MDGA2: variants seen among roughly 807,000 people sequenced by gnomAD.
MDGA2 encodes the protein MAM domain-containing glycosylphosphatidylinositol anchor protein 2.
Under a neutral mutation model 117.8 loss-of-function variants are expected in MDGA2, and 40 were observed. The observed-to-expected ratio is 0.34, with a 90% CI of 0.26 to 0.44. The LOEUF is 0.44. Ranked by LOEUF, MDGA2 falls within the 20% of genes least tolerant of loss-of-function variation. MDGA2 has a pLI of 1.00. For synonymous variants in MDGA2, 452 were observed against 439.0 expected, an observed-to-expected ratio of 1.03 and a Z score of -0.37; for missense variants, 1,123 against 1,250.6, an observed-to-expected ratio of 0.90 and a Z score of 1.54.
intron 5 of MDGA2, among the ~76,000 whole-genome samples, chr14:47,104,208 A>G (rs1227740443): frequency 6.6e-6 from 1 of 152,170 alleles, no homozygotes; most frequent in Non-Finnish European, 1.5e-5. Flanking sequence ...CAGGCCTCTG[A>G]GCCCAAGCCA....
chr14:47,197,439 T>G (rs1374679292), intron 3 of MDGA2, among the ~76,000 whole-genome samples: 1 of 152,058 alleles, frequency 6.6e-6, no homozygotes, highest in Non-Finnish European at 1.5e-5. Flanking sequence ...ATACCATATC[T>G]TCCAGCACCC....
chr14:46,942,249 A>G (rs1168629108), intron 9 of MDGA2, among the ~76,000 whole-genome samples: 2 of 152,168 alleles, frequency 1.3e-5, no homozygotes, highest in African/African-American at 2.4e-5. Flanking sequence ...TAATTTTGCT[A>G]AATTACTTTG....
intron 9 of MDGA2, among the ~76,000 whole-genome samples, chr14:46,951,305 G>A (rs775821958): frequency 6.6e-6 from 1 of 151,926 alleles, no homozygotes; most frequent in Non-Finnish European, 1.5e-5. Context: ...AGGACTCCTA[G>A]TGGCAGGAAA....
At chr14:47,143,016 T>C (rs183679747) in intron 4 of MDGA2, among the ~76,000 whole-genome samples, 43 of 152,320 alleles carry the variant, frequency 2.8e-4, no homozygotes, top group African/African-American at 9.9e-4. Context: ...CCACAGTTAA[T>C]GTCTAAATAT....
At chr14:47,424,318 G>T (rs1283431551) in intron 1 of MDGA2, among the ~76,000 whole-genome samples, 1 of 152,002 alleles carries the variant, frequency 6.6e-6, no homozygotes, top group African/African-American at 2.4e-5. Flanking sequence ...AGCCATTTGG[G>T]AGGCTGATGT....
chr14:47,339,577 A>G (rs1482979022), intron 1 of MDGA2, among the ~76,000 whole-genome samples: 1 of 152,096 alleles, frequency 6.6e-6, no homozygotes, highest in Non-Finnish European at 1.5e-5. Flanking sequence ...AATAAAAAGA[A>G]CTAGGCATCA....
In MDGA2 at chr14:47,004,614, G is replaced by T. The variant is rs1013522143; in HGVS notation, c.1819+30397C>A. 2.6e-5 allele frequency among the ~76,000 whole-genome samples: 4 copies of T among 151,704 alleles called. No homozygotes were observed. In the East Asian group the frequency reaches 7.7e-4, roughly 29 times the overall value. On this transcript the variant is annotated intron_variant, in intron 8 of 16. Transcript: ENST00000399232. ...CCACACCAAAATCCAAAAACACAAA[G>T]AAAACTTCTAGAATTTCAAATGAGC...
At chr14:47,507,580 A>G (rs1894541222) in intron 1 of MDGA2, among the ~76,000 whole-genome samples, 2 of 152,222 alleles carry the variant, frequency 1.3e-5, no homozygotes, top group African/African-American at 4.8e-5. Context: ...TCAAGTAGCT[A>G]TAACATGTTG....
intron 8 of MDGA2, among the ~76,000 whole-genome samples, chr14:46,986,527 T>TTCC (rs72530871): frequency 6.6e-6 from 1 of 151,470 alleles, no homozygotes. Flanking sequence ...ATGTAAGATC[T>TTCC]TTCTGATTCT....
chr14:46,886,509 A>G (rs1389455649), intron 10 of MDGA2, among the ~76,000 whole-genome samples: 1 of 152,096 alleles, frequency 6.6e-6, no homozygotes, highest in Non-Finnish European at 1.5e-5. Flanking sequence ...TGAGTTGAAG[A>G]TACTGTTTAA....
At chr14:47,002,438 A>C (rs1887564897) in intron 8 of MDGA2, among the ~76,000 whole-genome samples, 1 of 152,082 alleles carries the variant, frequency 6.6e-6, no homozygotes, top group Admixed American at 6.6e-5. Flanking sequence ...TTACATTAAA[A>C]ATTTTTAGGC....
At chr14:47,588,914 A>T (rs890859704) in intron 1 of MDGA2, among the ~76,000 whole-genome samples, 5 of 151,946 alleles carry the variant, frequency 3.3e-5, no homozygotes, top group Non-Finnish European at 5.9e-5. Flanking sequence ...TTCCTTGTCC[A>T]TTCAGCTCTA....
intron 1 of MDGA2, among the ~76,000 whole-genome samples, chr14:47,631,560 C>A (rs1897248995): frequency 6.6e-6 from 1 of 152,232 alleles, no homozygotes; most frequent in Non-Finnish European, 1.5e-5. Flanking sequence ...TCCTGCCACT[C>A]ATACATTACC....
At chr14:47,566,874 C>G (rs1193814559) in intron 1 of MDGA2, among the ~76,000 whole-genome samples, 1 of 151,058 alleles carries the variant, frequency 6.6e-6, no homozygotes, top group Non-Finnish European at 1.5e-5. Flanking sequence ...GTGGTAGACT[C>G]TCCTCCTTGT....
chr14:47,387,299 C>A (rs962934882), intron 1 of MDGA2, among the ~76,000 whole-genome samples: 2 of 152,066 alleles, frequency 1.3e-5, no homozygotes, highest in Admixed American at 6.6e-5. Context: ...TTTGGTACCA[C>A]GGTTGGGTTA....
chr14:47,458,974 C>G (rs1893422976), intron 1 of MDGA2, among the ~76,000 whole-genome samples: 1 of 149,852 alleles, frequency 6.7e-6, no homozygotes, highest in Non-Finnish European at 1.5e-5. Context: ...TTTTCTTCTG[C>G]CCTTCAATAG....
chr14:46,914,309 C>T (rs1238860284), intron 10 of MDGA2, among the ~76,000 whole-genome samples: 1 of 152,060 alleles, frequency 6.6e-6, no homozygotes, highest in Non-Finnish European at 1.5e-5. Context: ...AATTGCTTAG[C>T]TGAGCCTAAA....
At chr14:47,028,032 C>T (rs1244882262) in intron 8 of MDGA2, among the ~76,000 whole-genome samples, 1 of 151,894 alleles carries the variant, frequency 6.6e-6, no homozygotes, top group Admixed American at 6.6e-5. Flanking sequence ...AAGATAAGAT[C>T]TTAACTACAG....
chr14:47,244,356 C>T (rs1887169015), intron 2 of MDGA2, among the ~76,000 whole-genome samples: 1 of 151,658 alleles, frequency 6.6e-6, no homozygotes, highest in Non-Finnish European at 1.5e-5. Flanking sequence ...GTGAATAAGT[C>T]CCTATGTATC....
Sources: gnomAD v4.1 joint callset for allele counts (sites outside exome capture counted in the v4.1 genomes callset) on GRCh38, gnomAD v4.1.1 for gene constraint, MANE v1.5 for transcripts, NCBI Gene and HGNC (gene_info 2026-07-23, HGNC 2026-07-21) for gene names.